Variants in CNTNAP5 observed in about 807,000 individuals in gnomAD.
The protein encoded by CNTNAP5 is contactin associated protein family member 5.
In CNTNAP5, 72 loss-of-function variants were observed where a neutral mutation model predicts 150.2. The ratio of observed to expected loss-of-function variants is 0.48; its 90% CI spans 0.40 to 0.58. The LOEUF is 0.58. CNTNAP5 is among the 20% of genes least tolerant of loss of function. The probability of loss-of-function intolerance (pLI) is 0.00; values close to 1 mark genes in which losing one functional copy is unlikely to be tolerated. For synonymous variants in CNTNAP5, 672 were observed against 619.8 expected, an observed-to-expected ratio of 1.08 and a Z score of -1.25; for missense variants, 1,636 against 1,626.2, an observed-to-expected ratio of 1.01 and a Z score of -0.10.
chr2:124,203,056 T>C (rs60962974), intron 1 of CNTNAP5, among the ~76,000 whole-genome samples: 28,982 of 151,990 alleles, frequency 0.19, 2,911 homozygotes, highest in East Asian at 0.25. Context: ...GGCAAGTCCC[T>C]TTTGCCTATA....
At chr2:124,153,603 C>CTTTTTTTTTT (rs948493792) in intron 1 of CNTNAP5, among the ~76,000 whole-genome samples, 1 of 85,096 alleles carries the variant, frequency 1.2e-5, no homozygotes, top group Non-Finnish European at 2.3e-5. Flanking sequence ...CCCCCCGGGA[C>CTTTTTTTTTT]TTTTTTTTTT....
At chr2:124,704,133 G>A (rs1468888810) in intron 13 of CNTNAP5, among the ~76,000 whole-genome samples, 2 of 152,108 alleles carry the variant, frequency 1.3e-5, no homozygotes, top group Non-Finnish European at 2.9e-5. Context: ...TATTCTTTAT[G>A]AAGATAACAT....
intron 13 of CNTNAP5, among the ~76,000 whole-genome samples, chr2:124,724,455 A>C (rs1442873560): frequency 6.6e-6 from 1 of 152,142 alleles, no homozygotes; most frequent in African/African-American, 2.4e-5. Context: ...AAGGCGCACA[A>C]GTCAGCCCAT....
At chr2:124,504,666 A>T in intron 8 of CNTNAP5, 110 bp downstream of exon 8, 1 of 1,020,222 alleles carries the variant, frequency 9.8e-7, no homozygotes, top group South Asian at 1.7e-5. Context: ...GGGTTAGCCC[A>T]GTATTCACAA....
intron 16 of CNTNAP5, among the ~76,000 whole-genome samples, chr2:124,770,815 T>G (rs903743758): frequency 2.6e-5 from 4 of 152,228 alleles, no homozygotes; most frequent in Non-Finnish European, 5.9e-5. Flanking sequence ...CTGTTGAACA[T>G]GCAGTATGTG....
At chr2:124,629,829 C>T (rs748804936) in intron 12 of CNTNAP5, among the ~76,000 whole-genome samples, 7 of 117,654 alleles carry the variant, frequency 5.9e-5, no homozygotes, top group Admixed American at 1.0e-4. Context: ...GCAAGACTAA[C>T]AAGAAGAGAG....
intron 1 of CNTNAP5, among the ~76,000 whole-genome samples, chr2:124,214,573 C>A (rs867308755): frequency 6.6e-6 from 1 of 152,064 alleles, no homozygotes; most frequent in Non-Finnish European, 1.5e-5. Context: ...TAACCCGTGC[C>A]GTTATAAAGT....
rs74480737 is a variant in CNTNAP5, at chr2:124,883,726, G to A, written c.3436+13964G>A. ...GGTACATGTACACATATATTCGTGCGTGGGTTTGTACATGCATGTATATGC... is the reference window on the plus strand; with the variant it reads ...GGTACATGTACACATATATTCGTGCATGGGTTTGTACATGCATGTATATGC... On this transcript the variant is annotated intron_variant, in intron 21 of 23. Coordinates refer to ENST00000682447, the MANE Select transcript of CNTNAP5 (RefSeq NM_001367498.1). Among the ~76,000 whole-genome samples the A allele has an allele frequency of 3.1e-3, 473 of 152,122 alleles. 4 individuals carry two copies. The highest frequency in any genetic ancestry group is 0.01 in the African/African-American group (428 of 41,504).
chr2:124,032,535 TAAA>T (rs1681084441), intron 1 of CNTNAP5, among the ~76,000 whole-genome samples: 1 of 151,646 alleles, frequency 6.6e-6, no homozygotes, highest in East Asian at 1.9e-4. Flanking sequence ...AGACCTTAAA[TAAA>T]GAAGGATAGA....
At chr2:124,275,957 A>G (rs923275697) in intron 3 of CNTNAP5, among the ~76,000 whole-genome samples, 4 of 152,138 alleles carry the variant, frequency 2.6e-5, no homozygotes, top group Admixed American at 2.6e-4. Context: ...TTTGCTGCCA[A>G]TGGAACTGTC....
At position 124,601,966 on chromosome 2, in the gene CNTNAP5, G is replaced by A. The variant is rs150774306; in HGVS notation, c.1757-7835G>A. On this transcript the variant is annotated intron_variant, in intron 11 of 23. Coordinates refer to ENST00000682447, the MANE Select transcript of CNTNAP5 (RefSeq NM_001367498.1). Reference sequence around the variant, plus strand: ...TTTGGGGAGACAACTGTAACCAGACGGGTAGCTCAATATCCCGTATTACAG... The same window carrying A: ...TTTGGGGAGACAACTGTAACCAGACAGGTAGCTCAATATCCCGTATTACAG... Among the ~76,000 whole-genome samples, 85 of 152,244 alleles carry A rather than the reference G, an allele frequency of 5.6e-4. No homozygotes were observed. The East Asian group carries it at 0.012, about 21-fold the overall frequency.
chr2:124,392,687 CAAAAAAAAA>C (rs35107442), intron 3 of CNTNAP5, among the ~76,000 whole-genome samples: 7 of 68,798 alleles, frequency 1.0e-4, no homozygotes, highest in African/African-American at 1.7e-4. Context: ...TTTTCTTTGC[CAAAAAAAAA>C]AAAAAAAAAA....
Position 124,030,350 on chromosome 2 carries a change from G to T in CNTNAP5, c.82+4618G>T, listed in dbSNP as rs116685950. Among the ~76,000 whole-genome samples the T allele has an allele frequency of 5.5e-3, 830 of 152,128 alleles. 8 individuals are homozygous for T. Among genetic ancestry groups the T allele is most frequent in the African/African-American group, 0.019 (787 of 41,502 alleles). ...ATAAATTACCAAGGCAGTACAGCTA[G>T]GTATACTTACAGATCCAGTTTACAG... On this transcript the variant is annotated intron_variant, in intron 1 of 23. Transcript: ENST00000682447.
chr2:124,749,534 C>T (rs1421117685), intron 14 of CNTNAP5, among the ~76,000 whole-genome samples: 2 of 152,082 alleles, frequency 1.3e-5, no homozygotes, highest in Admixed American at 6.6e-5. Flanking sequence ...AAGCGATTCT[C>T]CTGCCTCAGG....
intron 21 of CNTNAP5, among the ~76,000 whole-genome samples, chr2:124,892,569 G>A (rs1275245799): frequency 2.0e-5 from 3 of 152,122 alleles, no homozygotes; most frequent in Admixed American, 6.6e-5. Flanking sequence ...AGAAGGGACC[G>A]TTCTCTTTAA....
chr2:124,548,494 G>T (rs1179437866), intron 10 of CNTNAP5, among the ~76,000 whole-genome samples: 2 of 152,186 alleles, frequency 1.3e-5, no homozygotes, highest in Non-Finnish European at 2.9e-5. Flanking sequence ...AATGAACAAA[G>T]ATGAAGTGTA....
At chr2:124,634,368 T>C (rs1677928179) in intron 12 of CNTNAP5, among the ~76,000 whole-genome samples, 1 of 152,114 alleles carries the variant, frequency 6.6e-6, no homozygotes, top group Non-Finnish European at 1.5e-5. Flanking sequence ...AATTCAAAAT[T>C]CCACAGATCC....
At chr2:124,572,540 T>A (rs1001100136) in intron 11 of CNTNAP5, among the ~76,000 whole-genome samples, 1 of 152,094 alleles carries the variant, frequency 6.6e-6, no homozygotes, top group African/African-American at 2.4e-5. Context: ...GGGAGTCAGA[T>A]AGGTGTCAGG....
chr2:124,581,553 G>A (rs1696413503), intron 11 of CNTNAP5, among the ~76,000 whole-genome samples: 1 of 152,166 alleles, frequency 6.6e-6, no homozygotes, highest in Non-Finnish European at 1.5e-5. Context: ...CAGAGTTCAG[G>A]CGGCAGGGAC....
Sources: gnomAD v4.1 joint callset for allele counts (sites outside exome capture counted in the v4.1 genomes callset) on GRCh38, gnomAD v4.1.1 for gene constraint, MANE v1.5 for transcripts, NCBI Gene and HGNC (gene_info 2026-07-23, HGNC 2026-07-21) for gene names.